CCSER1: variants seen among roughly 807,000 people sequenced by gnomAD.
CCSER1 encodes the protein coiled-coil serine rich protein 1.
CCSER1 carries 41 observed loss-of-function variants against 82.0 expected under a neutral mutation model. The ratio of observed to expected loss-of-function variants is 0.50; its 90% CI spans 0.39 to 0.65. CCSER1 has a LOEUF of 0.65. Ranked by LOEUF, CCSER1 falls within the 30% of genes least tolerant of loss-of-function variation. CCSER1 has a pLI of 0.00. For synonymous variants in CCSER1, 414 were observed against 383.9 expected (o/e 1.08, Z -0.92); for missense variants, 1,119 against 1,064.2 (o/e 1.05, Z -0.72).
rs1036090440 is a variant in CCSER1, at chr4:91,512,568, G to A, written c.2218-86004G>A. Among the ~76,000 whole-genome samples the A allele has an allele frequency of 6.5e-4, 99 of 152,072 alleles. 2 individuals carry two copies. The highest frequency in any genetic ancestry group is 5.2e-4 in the Admixed American group (8 of 15,258). On this transcript the variant is annotated intron_variant, in intron 10 of 10. Coordinates refer to ENST00000509176, the MANE Select transcript of CCSER1 (RefSeq NM_001145065.2). ...ACAGCCTATTGTGAGCCTTTACCTT[G>A]TGATCATATGAGTCAATTAACTTGA...
intron 10 of CCSER1, among the ~76,000 whole-genome samples, chr4:91,425,221 T>A (rs1578420992): frequency 6.6e-6 from 1 of 152,254 alleles, no homozygotes; most frequent in South Asian, 2.1e-4. Context: ...TACCTCGTAT[T>A]TTCATTTTTG....
At chr4:91,428,703 A>G (rs1446209589) in intron 10 of CCSER1, among the ~76,000 whole-genome samples, 1 of 152,018 alleles carries the variant, frequency 6.6e-6, no homozygotes, top group Non-Finnish European at 1.5e-5. Flanking sequence ...ATTCGTAGGT[A>G]CAGTTTCTGT....
At chr4:90,597,744 T>C (rs1370901127) in intron 5 of CCSER1, among the ~76,000 whole-genome samples, 3 of 152,110 alleles carry the variant, frequency 2.0e-5, no homozygotes, top group Non-Finnish European at 4.4e-5. Flanking sequence ...ATGTTGTACA[T>C]TAGATATCTA....
intron 4 of CCSER1, among the ~76,000 whole-genome samples, chr4:90,429,236 G>A (rs1041317117): frequency 1.3e-5 from 2 of 151,736 alleles, no homozygotes; most frequent in Non-Finnish European, 3.0e-5. Flanking sequence ...AGGGTCAAAT[G>A]TGAAGTATTG....
chr4:91,537,478 T>C (rs1009209005), intron 10 of CCSER1, among the ~76,000 whole-genome samples: 3 of 152,052 alleles, frequency 2.0e-5, no homozygotes, highest in African/African-American at 4.8e-5. Context: ...TTGACAATTT[T>C]TTAAATAGGA....
intron 9 of CCSER1, among the ~76,000 whole-genome samples, chr4:90,931,031 CTT>C (rs142081365): frequency 0.11 from 15,419 of 142,794 alleles, 1,248 homozygotes; most frequent in East Asian, 0.22. Context: ...ATATATATAT[CTT>C]TGACATATAT....
At chr4:90,207,542 G>A (rs1739114089) in intron 1 of CCSER1, among the ~76,000 whole-genome samples, 1 of 152,044 alleles carries the variant, frequency 6.6e-6, no homozygotes, top group Non-Finnish European at 1.5e-5. Flanking sequence ...CCTTGCTGCC[G>A]AGGGGCTGTG....
rs80033119 is a variant in CCSER1 at position 90,461,609 on chromosome 4, T to G, written c.1604-6625T>G. On this transcript the variant is annotated intron_variant, in intron 4 of 10. Transcript: ENST00000509176. Reference sequence around the variant, plus strand: ...CATTTCTCAATATATATATAACATTTTCTCATATCTCAATGCCTTTTAGCA... The same window carrying G: ...CATTTCTCAATATATATATAACATTGTCTCATATCTCAATGCCTTTTAGCA... Among the ~76,000 whole-genome samples the G allele has an allele frequency of 2.6e-5, 4 of 152,044 alleles. No individual in the cohort carries two copies. In the East Asian group the frequency reaches 7.8e-4, roughly 29 times the overall value.
chr4:91,003,379 T>C (rs1179727485), intron 9 of CCSER1, among the ~76,000 whole-genome samples: 2 of 152,082 alleles, frequency 1.3e-5, no homozygotes, highest in Non-Finnish European at 2.9e-5. Flanking sequence ...GCTCAGCCTC[T>C]CCTTGGGTGG....
Position 91,288,431 on chromosome 4 carries a change from A to C in CCSER1, c.2217+202437A>C, listed in dbSNP as rs539223316. Among the ~76,000 whole-genome samples, 15 of 151,974 alleles carry C rather than the reference A, an allele frequency of 9.9e-5. No homozygotes were observed. The East Asian group carries it at 2.1e-3, about 22-fold the overall frequency. On this transcript the variant is annotated intron_variant, in intron 10 of 10. Coordinates refer to ENST00000509176, the MANE Select transcript of CCSER1 (RefSeq NM_001145065.2). ...ACAGCCAGAACATAGAATTTTGCAA[A>C]AACAACAACAACAACAAAAAGGTTA...
At chr4:90,932,954 GA>G (rs1222456881) in intron 9 of CCSER1, among the ~76,000 whole-genome samples, 2 of 32,592 alleles carry the variant, frequency 6.1e-5, no homozygotes, top group Non-Finnish European at 1.1e-4. Flanking sequence ...AAGAAAGAAA[GA>G]AAGAAAGAAA....
In CCSER1 at chr4:90,627,915, G is replaced by A. The variant is rs1723612612; in HGVS notation, c.1725-110G>A. ...TAAATAAACTAATATCATGAAATGA[G>A]GACACAAGAAATACTTTCTAGGATA... is the stretch of plus-strand genomic sequence containing the variant. On this transcript the variant is annotated intron_variant, in intron 5 of 10. Coordinates refer to ENST00000509176, the MANE Select transcript of CCSER1 (RefSeq NM_001145065.2). 1.3e-5 allele frequency: 10 copies of A among 772,002 alleles called. No individual in the cohort carries two copies. In the South Asian group the frequency reaches 1.3e-4, roughly 10 times the overall value. 47.8% of individuals were successfully genotyped at this position (772,002 alleles called of 1,614,324 possible).
intron 5 of CCSER1, among the ~76,000 whole-genome samples, chr4:90,564,933 G>T (rs1008919116): frequency 2.6e-5 from 4 of 151,860 alleles, no homozygotes; most frequent in Non-Finnish European, 4.4e-5. Flanking sequence ...TAGCTTTTTA[G>T]AATGTTTTGA....
intron 10 of CCSER1, among the ~76,000 whole-genome samples, chr4:91,127,884 C>G (rs1278795951): frequency 6.6e-6 from 1 of 151,998 alleles, no homozygotes; most frequent in Non-Finnish European, 1.5e-5. Context: ...GGCAAAAATG[C>G]TATTGCTTCT....
chr4:90,738,634 G>C (rs1211825559), intron 7 of CCSER1, among the ~76,000 whole-genome samples: 1 of 152,044 alleles, frequency 6.6e-6, no homozygotes, highest in African/African-American at 2.4e-5. Context: ...ACCAATGCCT[G>C]GCTATCACCT....
chr4:90,856,900 A>G (rs1764523496), intron 8 of CCSER1, among the ~76,000 whole-genome samples: 1 of 151,786 alleles, frequency 6.6e-6, no homozygotes, highest in South Asian at 2.1e-4. Flanking sequence ...TCTGGTTGGA[A>G]GTAGACTCTG....
intron 9 of CCSER1, among the ~76,000 whole-genome samples, chr4:90,996,227 A>G (rs958013147): frequency 3.9e-5 from 6 of 152,136 alleles, no homozygotes; most frequent in African/African-American, 1.4e-4. Flanking sequence ...AAAGGTAGGC[A>G]TTAGATATAA....
intron 5 of CCSER1, among the ~76,000 whole-genome samples, chr4:90,481,856 G>T (rs1766037816): frequency 6.6e-6 from 1 of 152,144 alleles, no homozygotes; most frequent in Non-Finnish European, 1.5e-5. Flanking sequence ...TCTCTGCCAG[G>T]CTTTGGTATC....
chr4:90,704,113 G>A (rs181254123), intron 6 of CCSER1, among the ~76,000 whole-genome samples: 20 of 152,254 alleles, frequency 1.3e-4, no homozygotes, highest in South Asian at 8.3e-4. Context: ...GGCTGGTACC[G>A]GTTGTTCCTT....
Sources: gnomAD v4.1 joint callset for allele counts (sites outside exome capture counted in the v4.1 genomes callset) on GRCh38, gnomAD v4.1.1 for gene constraint, MANE v1.5 for transcripts, NCBI Gene and HGNC (gene_info 2026-07-23, HGNC 2026-07-21) for gene names.